Variants in CLOCK observed in about 807,000 individuals in gnomAD.
CLOCK encodes the protein circadian locomoter output cycles protein kaput.
In CLOCK, 43 loss-of-function variants were observed where a neutral mutation model predicts 118.4. The ratio of observed to expected loss-of-function variants is 0.36; its 90% confidence interval spans 0.28 to 0.47. The LOEUF (loss-of-function observed/expected upper bound fraction) is 0.47, where lower values mean the gene tolerates loss of function less well. Ranked by LOEUF, CLOCK falls within the 20% of genes least tolerant of loss-of-function variation. The pLI is 1.00. For synonymous variants in CLOCK, 326 were observed against 339.2 expected (o/e 0.96, Z 0.43); for missense variants, 846 against 999.9 (o/e 0.85, Z 2.08).
chr4:55,466,917 C>T lies in CLOCK; in HGVS notation c.439-3112G>A, dbSNP rs560126672. On this transcript the variant is annotated intron_variant, in intron 8 of 22. Coordinates refer to ENST00000513440, the MANE Select transcript of CLOCK (RefSeq NM_004898.4). ...AAGTTCTGCTGATTTACTTATATGA[C>T]ATAAATCAGTAGCCTTTGTTTTTTC... Among the ~76,000 whole-genome samples the T allele has an allele frequency of 3.9e-5, 6 of 152,276 alleles. No homozygotes were observed. The East Asian group carries it at 1.2e-3, about 29-fold the overall frequency.
intron 18 of CLOCK, 61 bp from the exon 19 acceptor site, chr4:55,444,846 G>A: frequency 6.6e-7 from 1 of 1,522,916 alleles, no homozygotes; most frequent in Non-Finnish European, 9.0e-7. Context: ...CCTTATAATT[G>A]CACAACATGA....
chr4:55,539,429 C>G (rs1162613157), intron 1 of CLOCK, among the ~76,000 whole-genome samples: 4 of 151,818 alleles, frequency 2.6e-5, no homozygotes, highest in Admixed American at 2.0e-4. Flanking sequence ...TAAAAATTAG[C>G]TGGGCATGGT....
At chr4:55,435,885 T>C (rs559129714) in intron 22 of CLOCK, among the ~76,000 whole-genome samples, 9 of 152,374 alleles carry the variant, frequency 5.9e-5, no homozygotes, top group Admixed American at 5.2e-4. Context: ...TTTCACTTTA[T>C]GTCCTAAAGA....
At chr4:55,456,957 G>A (rs76670344) in intron 11 of CLOCK, among the ~76,000 whole-genome samples, 5,121 of 152,238 alleles carry the variant, frequency 0.034, 101 homozygotes, top group Non-Finnish European at 0.054. Context: ...TGGGATTCTA[G>A]GCATAAGCCA....
rs1577803871 is a variant in CLOCK, at chr4:55,499,598, C to T, written c.-135-10133G>A. 2.0e-5 allele frequency among the ~76,000 whole-genome samples: 3 copies of T among 152,356 alleles called. 1 individual carries two copies. The South Asian group carries it at 6.2e-4, about 32-fold the overall frequency. On this transcript the variant is annotated intron_variant, in intron 2 of 22. Coordinates refer to ENST00000513440, the MANE Select transcript of CLOCK (RefSeq NM_004898.4). ...TATGACAGGAGGCGGAGCTCAGGCG[C>T]TAATGCTCACTAGCCAGTCACCTAC...
At chr4:55,491,674 T>A (rs1727705119) in intron 2 of CLOCK, among the ~76,000 whole-genome samples, 1 of 152,154 alleles carries the variant, frequency 6.6e-6, no homozygotes, top group East Asian at 1.9e-4. Flanking sequence ...TTCATAATGG[T>A]CTAAAACTAT....
At chr4:55,523,624 A>C (rs1729981736) in intron 1 of CLOCK, among the ~76,000 whole-genome samples, 1 of 152,192 alleles carries the variant, frequency 6.6e-6, no homozygotes, top group Non-Finnish European at 1.5e-5. Flanking sequence ...CCATGCACGA[A>C]TCTGGAACAT....
Position 55,428,457 on chromosome 4 carries a change from C to T in CLOCK, c.*6958G>A, listed in dbSNP as rs1722325014. 6.6e-6 allele frequency: 1 copy of T among 152,212 alleles called. No individual in the cohort carries two copies. The highest frequency in any genetic ancestry group is 2.4e-5 in the African/African-American group (1 of 41,458). The allele number at this position is 152,212 out of a possible 1,614,324, so 9.4% of individuals were successfully genotyped here. On this transcript the variant is annotated 3_prime_UTR_variant, in exon 23 of 23. Coordinates refer to ENST00000513440, the MANE Select transcript of CLOCK (RefSeq NM_004898.4). The stretch of plus-strand genomic sequence containing the variant: ...ACCGTTGAAACCATTCATTATCCTT[C>T]ATGTGTGTATGCAATTCAGAATTTC...
chr4:55,516,020 G>A (rs996315254), intron 1 of CLOCK, among the ~76,000 whole-genome samples: 1 of 152,172 alleles, frequency 6.6e-6, no homozygotes, highest in Non-Finnish European at 1.5e-5. Context: ...GGATTTTCCA[G>A]CTGTTACTGA....
chr4:55,500,514 T>C (rs564995040), intron 2 of CLOCK, among the ~76,000 whole-genome samples: 1 of 152,162 alleles, frequency 6.6e-6, no homozygotes, highest in African/African-American at 2.4e-5. Context: ...CTATTGATTT[T>C]TAACTTTTTA....
At chr4:55,448,583 T>C (rs576779243) in intron 18 of CLOCK, among the ~76,000 whole-genome samples, 196 bp downstream of exon 18, 2,139 of 105,932 alleles carry the variant, frequency 0.02, 56 homozygotes, top group African/African-American at 0.061. Context: ...ATTATATATG[T>C]GCGCGCGCGC....
At chr4:55,516,569 TC>T (rs1729528957) in intron 1 of CLOCK, among the ~76,000 whole-genome samples, 1 of 152,254 alleles carries the variant, frequency 6.6e-6, no homozygotes, top group South Asian at 2.1e-4. Flanking sequence ...CCATCCATTT[TC>T]TTTTAATCTA....
intron 1 of CLOCK, among the ~76,000 whole-genome samples, chr4:55,536,175 C>A (rs1410323196): frequency 6.6e-6 from 1 of 152,128 alleles, no homozygotes; most frequent in Non-Finnish European, 1.5e-5. Context: ...AAATTTCCTA[C>A]CTTTGGCATT....
intron 3 of CLOCK, among the ~76,000 whole-genome samples, chr4:55,483,352 G>A (rs1309748996): frequency 1.3e-5 from 2 of 152,172 alleles, no homozygotes; most frequent in Non-Finnish European, 2.9e-5. Context: ...GAACAATTAT[G>A]TCTACCCGTG....
chr4:55,489,587 T>C (rs1164219766), intron 2 of CLOCK, 122 bp from the exon 3 acceptor site: 1 of 152,020 alleles, frequency 6.6e-6, no homozygotes, highest in Non-Finnish European at 1.5e-5. Context: ...ATATAACCAA[T>C]TTTAAATTCT....
At chr4:55,493,589 G>C (rs17085837) in intron 2 of CLOCK, among the ~76,000 whole-genome samples, 4,250 of 152,218 alleles carry the variant, frequency 0.028, 209 homozygotes, top group African/African-American at 0.097. Context: ...AACTTGCAAA[G>C]AAAGGCCCAA....
At chr4:55,445,015 T>G (rs1257324087) in intron 18 of CLOCK, among the ~76,000 whole-genome samples, 4 of 152,144 alleles carry the variant, frequency 2.6e-5, no homozygotes, top group African/African-American at 9.7e-5. Context: ...TCCACATCAG[T>G]AGGTGGTGCT....
At chr4:55,508,711 G>C (rs531160320) in intron 2 of CLOCK, among the ~76,000 whole-genome samples, 2 of 151,946 alleles carry the variant, frequency 1.3e-5, no homozygotes, top group African/African-American at 4.8e-5. Flanking sequence ...TTCTGCCTCA[G>C]CCTCCTGAGT....
At chr4:55,472,775 G>T (rs915305930) in intron 7 of CLOCK, among the ~76,000 whole-genome samples, 2 of 150,576 alleles carry the variant, frequency 1.3e-5, no homozygotes, top group Non-Finnish European at 3.0e-5. Flanking sequence ...ATATCACAAA[G>T]AACTTATTTT....
Sources: allele counts gnomAD v4.1 joint callset (sites outside exome capture counted in the v4.1 genomes callset), GRCh38; gene constraint gnomAD v4.1.1; transcripts MANE v1.5; gene names NCBI Gene and HGNC (gene_info 2026-07-23, HGNC 2026-07-21).